Variants in PCDHB16 observed in about 807,000 individuals in gnomAD.
PCDHB16 encodes protocadherin beta 16.
For synonymous variants in PCDHB16, 444 were observed against 436.5 expected, an observed-to-expected ratio of 1.02 and a Z score of -0.21; for missense variants, 1,026 against 989.9, an observed-to-expected ratio of 1.04 and a Z score of -0.49.
Position 141,185,337 on chromosome 5 carries a change from G to A in PCDHB16, c.*447G>A, listed in dbSNP as rs142972432. ...TTTGTCTATTTTCCTTTCAAAATTG[G>A]TATTTTTGTTGGGCTCAATTTTCAT... On this transcript the variant is annotated 3_prime_UTR_variant, in exon 1 of 1. Coordinates refer to ENST00000609684, the MANE Select transcript of PCDHB16 (RefSeq NM_020957.4). 0.021 allele frequency: 18,248 copies of A among 871,360 alleles called. 213 individuals carry two copies. Among genetic ancestry groups the A allele is most frequent in the Non-Finnish European group, 0.023 (16,787 of 715,008 alleles). 54.0% of individuals were successfully genotyped at this position (871,360 alleles called of 1,614,324 possible). A position where few individuals can be genotyped will look rare whatever the true frequency, so the allele number is the denominator to read the frequency against.
chr5:141,184,819 T>A lies in PCDHB16; in HGVS notation c.2260T>A (p.Cys754Ser), dbSNP rs1554282479. The A allele has an allele frequency of 6.2e-7, 1 of 1,614,212 alleles. No homozygotes were observed. The highest frequency in any genetic ancestry group is 1.1e-5 in the South Asian group (1 of 91,086). ...GTCCCAGAGCTACCAATACGAGGTG[T>A]GTCTGACAGGAGGCTCAGAAACAAG... ...TLSQSYQYEV[C>S]LTGGSETSEF... Residue 754 changes from cysteine to serine, a missense_variant, in exon 1 of 1, where the codon TGT becomes AGT. Transcript: ENST00000609684.
rs782360189 is a variant in PCDHB16 at position 141,183,109 on chromosome 5, G to T, written c.550G>T (p.Glu184Ter). 1.9e-6 allele frequency: 3 copies of T among 1,614,172 alleles called. No individual in the cohort carries two copies. Among genetic ancestry groups the T allele is most frequent in the Non-Finnish European group, 2.5e-6 (3 of 1,180,018 alleles). Residue 184 changes from glutamate (E) to a stop codon, truncating the protein, a stop_gained, in exon 1 of 1, where the codon GAA becomes TAA. Coordinates refer to ENST00000609684, the MANE Select transcript of PCDHB16 (RefSeq NM_020957.4). LOFTEE classifies it low-confidence loss of function (END_TRUNC). ...PSSHFRVLIH[E>*]FRDGRKYPEL... The stretch of plus-strand genomic sequence containing the variant: ...CTCTCATTTCCGGGTTCTAATCCAT[G>T]AATTCAGAGATGGCAGGAAATACCC...
chr5:141,185,919 AG>A lies in PCDHB16; in HGVS notation c.*1031del, dbSNP rs1554282596. On this transcript the variant is annotated 3_prime_UTR_variant, in exon 1 of 1. Coordinates refer to ENST00000609684, the MANE Select transcript of PCDHB16 (RefSeq NM_020957.4). ...AAATGTGTTTGTGTTTGTAGACAAAAGGCAAAGGTATTATGTAAAAATATTT... is the reference window on the plus strand; with the variant it reads ...AAATGTGTTTGTGTTTGTAGACAAAAGCAAAGGTATTATGTAAAAATATTT... 3 of 961,002 alleles carry A rather than the reference AG, an allele frequency of 3.1e-6. No individual in the cohort carries two copies. The African/African-American group carries it at 5.3e-5, about 17-fold the overall frequency. The allele number at this position is 961,002 out of a possible 1,614,324, so 59.5% of individuals were successfully genotyped here. A position where few individuals can be genotyped will look rare whatever the true frequency, so the allele number is the denominator to read the frequency against.
In PCDHB16 at chr5:141,183,086, C is replaced by T. The variant is rs782222833; in HGVS notation, c.527C>T (p.Ser176Phe). 9 of 1,614,070 alleles carry T rather than the reference C, an allele frequency of 5.6e-6. No homozygotes were observed. In the South Asian group the frequency reaches 6.6e-5, roughly 12 times the overall value. Residue 176 changes from serine to phenylalanine, a missense_variant, in exon 1 of 1, where the codon TCT becomes TTT. By Grantham distance (155) the Ser-to-Phe change is radical. Transcript: ENST00000609684. Reference sequence around the variant, plus strand: ...CAAAACTATAAAATCAGCCCAAGCTCTCATTTCCGGGTTCTAATCCATGAA... The same window carrying T: ...CAAAACTATAAAATCAGCCCAAGCTTTCATTTCCGGGTTCTAATCCATGAA... ...NVQNYKISPS[S>F]HFRVLIHEFR...
At position 141,183,587 on chromosome 5, in the gene PCDHB16, A is replaced by G; in HGVS notation, c.1028A>G (p.Asn343Ser). Residue 343 changes from asparagine (N) to serine (S), a missense_variant, in exon 1 of 1, where the codon AAT (asparagine) becomes AGT (serine). By Grantham distance (46) the Asn-to-Ser change is conservative (BLOSUM62 1). Coordinates refer to ENST00000609684, the MANE Select transcript of PCDHB16 (RefSeq NM_020957.4). ...CTGCAGGTGGTGGACGTGAATGACA[A>G]TCCCCCACAGGTGACCATGTCTGCA... ...LLLQVVDVND[N>S]PPQVTMSALT... The G allele has an allele frequency of 6.2e-7, 1 of 1,614,012 alleles. No individual in the cohort carries two copies. The highest frequency in any genetic ancestry group is 8.5e-7 in the Non-Finnish European group (1 of 1,180,002).
In PCDHB16 at chr5:141,186,222, T is replaced by G. The variant is rs762638534; in HGVS notation, c.*1332T>G. ...TGAATAAAATTCTATGTGAGTCAGA[T>G]TTAATAATTTGTTTTCACTTTCAAT... On this transcript the variant is annotated 3_prime_UTR_variant, in exon 1 of 1. Coordinates refer to ENST00000609684, the MANE Select transcript of PCDHB16 (RefSeq NM_020957.4). The G allele has an allele frequency of 6.3e-5, 62 of 989,284 alleles. No individual in the cohort carries two copies. Among genetic ancestry groups the G allele is most frequent in the Non-Finnish European group, 7.3e-5 (60 of 820,460 alleles). The allele number at this position is 989,284 out of a possible 1,614,324, so 61.3% of individuals were successfully genotyped here. A position where few individuals can be genotyped will look rare whatever the true frequency, so the allele number is the denominator to read the frequency against.
In PCDHB16 at chr5:141,184,935, C is replaced by T. The variant is rs1753685559; in HGVS notation, c.*45C>T. 6.3e-7 allele frequency: 1 copy of T among 1,583,864 alleles called. No individual in the cohort carries two copies. Among genetic ancestry groups the T allele is most frequent in the African/African-American group, 1.4e-5 (1 of 73,482 alleles). On this transcript the variant is annotated 3_prime_UTR_variant, in exon 1 of 1. Transcript: ENST00000609684. ...ATTAAAATTCCACCCTTCACAATAG[C>T]TTTGGATTTAATTATTGATAGGAAC...
Position 141,183,600 on chromosome 5 carries a change from G to T in PCDHB16, c.1041G>T (p.Val347=). 2 of 1,614,082 alleles carry T rather than the reference G, an allele frequency of 1.2e-6. No homozygotes were observed. The highest frequency in any genetic ancestry group is 1.7e-6 in the Non-Finnish European group (2 of 1,180,024). The change falls in exon 1 of 1, where the codon GTG becomes GTT. Residue 347 remains valine (V), a synonymous_variant. Transcript: ENST00000609684. ...ACGTGAATGACAATCCCCCACAGGT[G>T]ACCATGTCTGCACTCACCAGCCCCA... The part of the protein sequence containing the change: ...VVDVNDNPPQ[V]TMSALTSPIP...
chr5:141,184,395 C>T lies in PCDHB16; in HGVS notation c.1836C>T (p.Pro612=), dbSNP rs782052328. 125 of 1,605,916 alleles carry T rather than the reference C, an allele frequency of 7.8e-5. No individual in the cohort carries two copies. Among genetic ancestry groups the T allele is most frequent in the East Asian group, 1.8e-4 (8 of 44,774 alleles). The part of the protein sequence containing the change: ...LSYQLLKATE[P]GLFGVWAHNG... ...ACCAGCTGCTCAAGGCCACGGAGCC[C>T]GGGCTGTTCGGTGTGTGGGCGCACA... Residue 612 remains proline, a synonymous_variant, in exon 1 of 1, where the codon CCC becomes CCT. Transcript: ENST00000609684.
Position 141,184,588 on chromosome 5 carries a change from G to C in PCDHB16, c.2029G>C (p.Ala677Pro). Residue 677 changes from alanine to proline, a missense_variant, in exon 1 of 1, where the codon GCC (alanine) becomes CCC (proline). By Grantham distance (27) the Ala-to-Pro change is conservative. Transcript: ENST00000609684. ...GCCCTTCCTGCCGCTCCCAGAGGCG[G>C]CCCCCGGCCAGACCCAGGCCAACTC... is the stretch of plus-strand genomic sequence containing the variant. The part of the protein sequence containing the change: ...SQPFLPLPEA[A>P]PGQTQANSLT... The C allele has an allele frequency of 6.2e-7, 1 of 1,612,358 alleles. No homozygotes were observed. Among genetic ancestry groups the C allele is most frequent in the Non-Finnish European group, 8.5e-7 (1 of 1,179,800 alleles).
rs1753631813 is a variant in PCDHB16, at chr5:141,183,723, C to A, written c.1164C>A (p.Asp388Glu). Reference protein sequence around the residue: ...NGKTISSIQEDLPFLLKPSVK... With the variant: ...NGKTISSIQEELPFLLKPSVK... ...AGACGATTTCCTCCATCCAGGAAGA[C>A]CTTCCCTTTCTTCTAAAACCTTCAG... The change falls in exon 1 of 1, where the codon GAC (aspartate) becomes GAA (glutamate). Residue 388 changes from aspartate (D) to glutamate (E), a missense_variant. Transcript: ENST00000609684. The A allele has an allele frequency of 6.2e-7, 1 of 1,614,052 alleles. No individual in the cohort carries two copies. Among genetic ancestry groups the A allele is most frequent in the South Asian group, 1.1e-5 (1 of 91,092 alleles).
rs1753688984 is a variant in PCDHB16, at chr5:141,185,064, A to G, written c.*174A>G. On this transcript the variant is annotated 3_prime_UTR_variant, in exon 1 of 1. Transcript: ENST00000609684. Reference sequence around the variant, plus strand: ...TTTTCTCTGATTGTTAGTTCAAATTATATTGTTAATTCCAGTTTCCCTTTT... The same window carrying G: ...TTTTCTCTGATTGTTAGTTCAAATTGTATTGTTAATTCCAGTTTCCCTTTT... The G allele has an allele frequency of 1.4e-6, 2 of 1,431,696 alleles. No individual in the cohort carries two copies. Among genetic ancestry groups the G allele is most frequent in the South Asian group, 1.6e-5 (1 of 62,028 alleles). The allele number at this position is 1,431,696 out of a possible 1,614,324, so 88.7% of individuals were successfully genotyped here.
Position 141,185,377 on chromosome 5 carries a change from T to A in PCDHB16, c.*487T>A. ...TCAATTTTCATTATAATACTTTTCTTAAAGTTTCTTTCTTTCTTTTCTTTT... is the reference window on the plus strand; with the variant it reads ...TCAATTTTCATTATAATACTTTTCTAAAAGTTTCTTTCTTTCTTTTCTTTT... On this transcript the variant is annotated 3_prime_UTR_variant, in exon 1 of 1. Coordinates refer to ENST00000609684, the MANE Select transcript of PCDHB16 (RefSeq NM_020957.4). The A allele has an allele frequency of 1.3e-6, 1 of 792,326 alleles. No individual in the cohort carries two copies. The highest frequency in any genetic ancestry group is 1.6e-6 in the Non-Finnish European group (1 of 643,264). The allele number at this position is 792,326 out of a possible 1,614,324, so 49.1% of individuals were successfully genotyped here.
rs868971437 is a variant in PCDHB16 at position 141,184,857 on chromosome 5, C to T, written c.2298C>T (p.Phe766=). The T allele has an allele frequency of 1.2e-6, 2 of 1,614,050 alleles. No individual in the cohort carries two copies. Among genetic ancestry groups the T allele is most frequent in the African/African-American group, 2.7e-5 (2 of 74,930 alleles). ...GCTCAGAAACAAGTGAGTTCAAGTT[C>T]CTGAAGCCGATTATCCCCAACTTCT... ...TGGSETSEFK[F]LKPIIPNFSP Residue 766 remains phenylalanine, a synonymous_variant, in exon 1 of 1, where the codon TTC becomes TTT. Coordinates refer to ENST00000609684, the MANE Select transcript of PCDHB16 (RefSeq NM_020957.4).
At position 141,183,892 on chromosome 5, in the gene PCDHB16, A is replaced by G; in HGVS notation, c.1333A>G (p.Asn445Asp). ...CATAACAGTGCAGATATCAGATGTC[A>G]ATGATAACGCCCCCACTTTCACCCA... The part of the protein sequence containing the change: ...HNITVQISDV[N>D]DNAPTFTQTS... Residue 445 changes from asparagine to aspartate, a missense_variant, in exon 1 of 1, where the codon AAT (asparagine) becomes GAT (aspartate). Physicochemically the swap from Asn to Asp is conservative, Grantham distance 23 (BLOSUM62 1). Transcript: ENST00000609684. 1.2e-6 allele frequency: 2 copies of G among 1,614,180 alleles called. No homozygotes were observed. The highest frequency in any genetic ancestry group is 1.7e-6 in the Non-Finnish European group (2 of 1,180,044).
Position 141,185,488 on chromosome 5 carries a change from G to C in PCDHB16, c.*598G>C. Reference sequence around the variant, plus strand: ...TGCAGTGGTACAATCTTGGCTCACTGCAACCTCTGCCTCCTGGGCCCAACG... The same window carrying C: ...TGCAGTGGTACAATCTTGGCTCACTCCAACCTCTGCCTCCTGGGCCCAACG... On this transcript the variant is annotated 3_prime_UTR_variant, in exon 1 of 1. Transcript: ENST00000609684. 2.3e-6 allele frequency: 1 copy of C among 434,592 alleles called. No individual in the cohort carries two copies. Among genetic ancestry groups the C allele is most frequent in the Non-Finnish European group, 3.1e-6 (1 of 327,796 alleles). The allele number at this position is 434,592 out of a possible 1,614,324, so 26.9% of individuals were successfully genotyped here. A position where few individuals can be genotyped will look rare whatever the true frequency, so the allele number is the denominator to read the frequency against.
chr5:141,184,433 G>T lies in PCDHB16; in HGVS notation c.1874G>T (p.Arg625Leu). 6.2e-7 allele frequency: 1 copy of T among 1,607,504 alleles called. No homozygotes were observed. The highest frequency in any genetic ancestry group is 1.3e-5 in the African/African-American group (1 of 74,906). The change falls in exon 1 of 1, where the codon CGC becomes CTC. Residue 625 changes from arginine (R) to leucine (L), a missense_variant. Physicochemically the swap from Arg to Leu is moderately radical, Grantham distance 102. Coordinates refer to ENST00000609684, the MANE Select transcript of PCDHB16 (RefSeq NM_020957.4). Reference sequence around the variant, plus strand: ...GTGTGGGCGCACAATGGCGAGGTGCGCACCGCCAGGCTGCTGAGCGAGCGC... The same window carrying T: ...GTGTGGGCGCACAATGGCGAGGTGCTCACCGCCAGGCTGCTGAGCGAGCGC... The part of the protein sequence containing the change: ...FGVWAHNGEV[R>L]TARLLSERDA...
rs782711780 is a variant in PCDHB16, at chr5:141,184,615, C to T, written c.2056C>T (p.Leu686Phe). 8.1e-6 allele frequency: 13 copies of T among 1,612,818 alleles called. No homozygotes were observed. The Admixed American group carries it at 1.3e-4, about 17-fold the overall frequency. ...AAPGQTQANS[L>F]TVYLVVALAS... ...CCCCGGCCAGACCCAGGCCAACTCG[C>T]TCACTGTCTACCTGGTGGTGGCGTT... Residue 686 changes from leucine to phenylalanine, a missense_variant, in exon 1 of 1, where the codon CTC becomes TTC. By Grantham distance (22) the Leu-to-Phe change is conservative. Transcript: ENST00000609684.
Position 141,182,897 on chromosome 5 carries a change from C to T in PCDHB16, c.338C>T (p.Pro113Leu), listed in dbSNP as rs1244960852. 1.2e-6 allele frequency: 2 copies of T among 1,614,018 alleles called. No homozygotes were observed. Among genetic ancestry groups the T allele is most frequent in the African/African-American group, 2.7e-5 (2 of 74,922 alleles). The change falls in exon 1 of 1, where the codon CCT (proline) becomes CTT (leucine). Residue 113 changes from proline (P) to leucine (L), a missense_variant. Coordinates refer to ENST00000609684, the MANE Select transcript of PCDHB16 (RefSeq NM_020957.4). ...ILHFQVLMEN[P>L]LEIFQAELRV... ...CATTTCCAAGTGTTAATGGAAAACC[C>T]TTTAGAAATATTTCAGGCTGAACTG...
Sources: allele counts gnomAD v4.1 joint callset, GRCh38; gene constraint gnomAD v4.1.1; transcripts MANE v1.5; gene names NCBI Gene and HGNC (gene_info 2026-07-23, HGNC 2026-07-21).